DYNC2H1: variants seen among roughly 807,000 people sequenced by gnomAD.
DYNC2H1 encodes the protein dynein cytoplasmic 2 heavy chain 1, also known as cytoplasmic dynein 2 heavy chain 1.
Under a neutral mutation model 570.0 loss-of-function variants are expected in DYNC2H1, and 410 were observed. That is an observed-to-expected ratio of 0.72 (90% CI 0.66 to 0.78). The LOEUF is 0.78. DYNC2H1 is among the 30% of genes least tolerant of loss of function. The pLI, the probability that DYNC2H1 is intolerant of heterozygous loss-of-function variation, is 0.00. For missense variants in DYNC2H1, 4,865 were observed against 5,046.4 expected (o/e 0.96, Z 1.09); for synonymous variants, 1,688 against 1,677.6 (o/e 1.01, Z -0.15).
intron 75 of DYNC2H1, among the ~76,000 whole-genome samples, chr11:103,290,528 G>T (rs1202036030): frequency 6.6e-6 from 1 of 152,134 alleles, no homozygotes; most frequent in African/African-American, 2.4e-5. Context: ...TGAATAAAGG[G>T]AATTTATTAG....
Position 103,316,526 on chromosome 11 carries a change from A to G in DYNC2H1, c.11650-19A>G. 3 of 1,528,818 alleles carry G rather than the reference A, an allele frequency of 2.0e-6. No homozygotes were observed. The highest frequency in any genetic ancestry group is 2.6e-6 in the Non-Finnish European group (3 of 1,137,400). 94.7% of individuals were successfully genotyped at this position (1,528,818 alleles called of 1,614,324 possible). On this transcript the variant is annotated intron_variant, in intron 79 of 88. Coordinates refer to ENST00000375735, the MANE Select transcript of DYNC2H1 (RefSeq NM_001377.3). ...GACTACTGCTTAGTTGTTTACTTAAAAAAATTGTTTTTTGACAGGGTTGGA... is the reference window on the plus strand; with the variant it reads ...GACTACTGCTTAGTTGTTTACTTAAGAAAATTGTTTTTTGACAGGGTTGGA...
intron 84 of DYNC2H1, among the ~76,000 whole-genome samples, chr11:103,424,977 C>T (rs1943616523): frequency 6.6e-6 from 1 of 152,176 alleles, no homozygotes; most frequent in Non-Finnish European, 1.5e-5. Flanking sequence ...ACTCTGTCAC[C>T]TAGGCAGGAG....
chr11:103,412,800 CATACAT>C (rs1356124652), intron 84 of DYNC2H1, among the ~76,000 whole-genome samples: 2 of 152,148 alleles, frequency 1.3e-5, no homozygotes, highest in African/African-American at 2.4e-5. Context: ...AAAATATGTT[CATACAT>C]ATACATATAG....
chr11:103,160,312 C>T (rs1317006322), intron 28 of DYNC2H1, among the ~76,000 whole-genome samples: 3 of 152,030 alleles, frequency 2.0e-5, no homozygotes, highest in African/African-American at 7.2e-5. Flanking sequence ...GCCTTCAACA[C>T]ATTTACCTGT....
rs1189563212 is a variant in DYNC2H1 at position 103,239,950 on chromosome 11, T to C, written c.9819+3411T>C. Among the ~76,000 whole-genome samples, 1 of 152,096 alleles carries C rather than the reference T, an allele frequency of 6.6e-6. No individual in the cohort carries two copies. The highest frequency in any genetic ancestry group is 1.5e-5 in the Non-Finnish European group (1 of 68,014). ...TGTTTTTTGAACTCTTGACCTACAG[T>C]TCTAACTACCTGTTAGATATTTTTA... On this transcript the variant is annotated intron_variant, in intron 63 of 88. Transcript: ENST00000375735. This position sits in a 1 kb window ranked among gnomAD's most constrained non-coding sequence, Gnocchi z 4.3.
chr11:103,139,839 T>G (rs1239622181), intron 17 of DYNC2H1, among the ~76,000 whole-genome samples: 3 of 152,174 alleles, frequency 2.0e-5, no homozygotes, highest in Non-Finnish European at 4.4e-5. Flanking sequence ...ATTATTATTG[T>G]GTGGGAGTCT....
At position 103,307,707 on chromosome 11, in the gene DYNC2H1, G is replaced by A; in HGVS notation, c.11383-14G>A. ...ATATTTAAGTAAATTTTTGTCATTGGTTTTGTAAACAAGGAATTGAATACT... is the reference window on the plus strand; with the variant it reads ...ATATTTAAGTAAATTTTTGTCATTGATTTTGTAAACAAGGAATTGAATACT... On this transcript the variant is annotated splice_polypyrimidine_tract_variant and intron_variant, in intron 77 of 88. Transcript: ENST00000375735. The A allele has an allele frequency of 6.8e-7, 1 of 1,479,886 alleles. No individual in the cohort carries two copies. The highest frequency in any genetic ancestry group is 9.1e-7 in the Non-Finnish European group (1 of 1,093,524). 91.7% of individuals were successfully genotyped at this position (1,479,886 alleles called of 1,614,324 possible).
intron 79 of DYNC2H1, among the ~76,000 whole-genome samples, chr11:103,313,516 C>T (rs1867689274): frequency 6.6e-6 from 1 of 152,160 alleles, no homozygotes; most frequent in African/African-American, 2.4e-5. Flanking sequence ...CCCCCTCATG[C>T]TGCTCCCCTT....
At chr11:103,238,195 T>C (rs527835944) in intron 63 of DYNC2H1, among the ~76,000 whole-genome samples, 2 of 152,210 alleles carry the variant, frequency 1.3e-5, no homozygotes, top group South Asian at 4.1e-4. Flanking sequence ...AAATATATAT[T>C]AGTTGGGCTT....
At chr11:103,303,396 ATATG>A in intron 76 of DYNC2H1, 143 bp downstream of exon 76, 1 of 835,994 alleles carries the variant, frequency 1.2e-6, no homozygotes, top group Non-Finnish European at 1.7e-6. Context: ...AGAACTGTGG[ATATG>A]TTATTTTCCA....
At chr11:103,401,895 G>A (rs959246472) in intron 84 of DYNC2H1, 3 of 152,084 alleles carry the variant, frequency 2.0e-5, no homozygotes, top group Admixed American at 1.3e-4. Flanking sequence ...CTCATCTCAG[G>A]AAGAGGTAGT....
intron 84 of DYNC2H1, among the ~76,000 whole-genome samples, chr11:103,426,972 C>T (rs767294817): frequency 1.3e-5 from 2 of 151,962 alleles, no homozygotes; most frequent in African/African-American, 2.4e-5. Context: ...TTTCTTGTTA[C>T]GGCTCATTTA....
At chr11:103,419,435 A>G (rs1943404254) in intron 84 of DYNC2H1, among the ~76,000 whole-genome samples, 1 of 152,178 alleles carries the variant, frequency 6.6e-6, no homozygotes, top group African/African-American at 2.4e-5. Context: ...AGGAAGGAGC[A>G]GGCTGCCATC....
intron 18 of DYNC2H1, among the ~76,000 whole-genome samples, chr11:103,144,914 T>C (rs1860159347): frequency 6.6e-6 from 1 of 151,938 alleles, no homozygotes; most frequent in Non-Finnish European, 1.5e-5. Flanking sequence ...AGAGTCTTGC[T>C]GTGTCACCCA....
chr11:103,109,549 C>T lies in DYNC2H1; in HGVS notation c.-26C>T, dbSNP rs1355924306. 6.2e-7 allele frequency: 1 copy of T among 1,608,294 alleles called. No homozygotes were observed. The highest frequency in any genetic ancestry group is 1.3e-5 in the African/African-American group (1 of 74,980). ...GGTTTCTTCTTCCTTCCCCCTTCCC[C>T]CAACTTCCCTCCACCCCTTCCAATC... On this transcript the variant is annotated 5_prime_UTR_variant, in exon 1 of 89. Transcript: ENST00000375735.
At chr11:103,456,650 T>G (rs1196199799) in intron 87 of DYNC2H1, among the ~76,000 whole-genome samples, 2 of 152,198 alleles carry the variant, frequency 1.3e-5, no homozygotes, top group Non-Finnish European at 2.9e-5. Context: ...GTTCTAAAAT[T>G]GAACCTAATA....
intron 18 of DYNC2H1, among the ~76,000 whole-genome samples, chr11:103,146,095 A>G (rs1198393268): frequency 1.3e-5 from 2 of 152,218 alleles, no homozygotes; most frequent in Non-Finnish European, 2.9e-5. Flanking sequence ...ATTGGCTGTT[A>G]TATATAGCTT....
chr11:103,187,318 A>G, intron 42 of DYNC2H1, 22 bp from the exon 43 acceptor site: 2 of 1,611,824 alleles, frequency 1.2e-6, no homozygotes, highest in Non-Finnish European at 1.7e-6. Context: ...TATCAAAGTC[A>G]GATGTCATGC....
chr11:103,441,123 G>A (rs1251653207), intron 85 of DYNC2H1, among the ~76,000 whole-genome samples: 5 of 151,934 alleles, frequency 3.3e-5, no homozygotes, highest in East Asian at 1.9e-4. Context: ...TCTGCTTTTC[G>A]TTCCCAGTTT....
Sources: allele counts gnomAD v4.1 joint callset (sites outside exome capture counted in the v4.1 genomes callset), GRCh38; gene constraint gnomAD v4.1.1; non-coding constraint Gnocchi (gnomAD v3.1); transcripts MANE v1.5; gene names NCBI Gene and HGNC (gene_info 2026-07-23, HGNC 2026-07-21).